Variants in MAPK10 observed in about 807,000 individuals in gnomAD.
MAPK10 encodes the protein JNK3 alpha protein kinase.
In MAPK10, 25 loss-of-function variants were observed where a neutral mutation model predicts 59.3. That is an observed-to-expected ratio of 0.42 (90% CI 0.31 to 0.59). The LOEUF (loss-of-function observed/expected upper bound fraction) is 0.59, where lower values mean the gene tolerates loss of function less well. Ranked by LOEUF, MAPK10 falls within the 20% of genes least tolerant of loss-of-function variation. The pLI, the probability that MAPK10 is intolerant of heterozygous loss-of-function variation, is 0.15. For missense variants in MAPK10, 351 were observed against 568.9 expected (o/e 0.62, Z 3.90); for synonymous variants, 190 against 200.5 (o/e 0.95, Z 0.44).
intron 2 of MAPK10, among the ~76,000 whole-genome samples, chr4:86,261,549 T>C (rs2093980791): frequency 6.6e-6 from 1 of 152,244 alleles, no homozygotes; most frequent in Non-Finnish European, 1.5e-5. Flanking sequence ...TCTATTCCCT[T>C]GACAACCTGA....
intron 1 of MAPK10, among the ~76,000 whole-genome samples, chr4:86,366,679 C>T (rs1210410868): frequency 6.6e-6 from 1 of 152,030 alleles, no homozygotes; most frequent in African/African-American, 2.4e-5. Flanking sequence ...TTCAGAAAAG[C>T]GTGGCAGTAA....
intron 2 of MAPK10, among the ~76,000 whole-genome samples, chr4:86,228,284 T>C (rs751265390): frequency 1.3e-5 from 2 of 152,150 alleles, no homozygotes; most frequent in Non-Finnish European, 2.9e-5. Flanking sequence ...AAAAGTGTAC[T>C]TGCAGGAGGG....
chr4:86,507,205 G>A (rs1755805395), intron 1 of MAPK10, among the ~76,000 whole-genome samples: 2 of 152,014 alleles, frequency 1.3e-5, no homozygotes, highest in South Asian at 2.1e-4. Flanking sequence ...TAAAGAATAA[G>A]AGGCAAGCCC....
At chr4:86,084,911 T>C (rs1212694815) in intron 9 of MAPK10, among the ~76,000 whole-genome samples, 1 of 152,108 alleles carries the variant, frequency 6.6e-6, no homozygotes, top group Non-Finnish European at 1.5e-5. Flanking sequence ...CATAGATCAA[T>C]AGAACAGAAG....
At chr4:86,383,140 G>C (rs1417274839) in intron 1 of MAPK10, among the ~76,000 whole-genome samples, 1 of 152,104 alleles carries the variant, frequency 6.6e-6, no homozygotes, top group African/African-American at 2.4e-5. Flanking sequence ...CAAACATTAG[G>C]CTTCCTTCCC....
At chr4:86,023,018 T>C (rs1748132960) in intron 13 of MAPK10, among the ~76,000 whole-genome samples, 1 of 152,220 alleles carries the variant, frequency 6.6e-6, no homozygotes, top group Non-Finnish European at 1.5e-5. Context: ...CATTTTCTAA[T>C]CCAAGATTAT....
intron 1 of MAPK10, among the ~76,000 whole-genome samples, chr4:86,434,681 G>A (rs1748474952): frequency 6.6e-6 from 1 of 152,166 alleles, no homozygotes; most frequent in Non-Finnish European, 1.5e-5. Flanking sequence ...GGGAAACCTC[G>A]TACGCTGTTG....
chr4:86,116,875 G>C (rs2058368935), intron 4 of MAPK10, among the ~76,000 whole-genome samples: 2 of 152,176 alleles, frequency 1.3e-5, no homozygotes, highest in African/African-American at 4.8e-5. Context: ...GTAAATGATG[G>C]CTATTACTAT....
At chr4:86,420,294 A>G (rs898299955) in intron 1 of MAPK10, among the ~76,000 whole-genome samples, 4 of 152,178 alleles carry the variant, frequency 2.6e-5, no homozygotes, top group African/African-American at 9.7e-5. Context: ...TGCTTACCAC[A>G]TTATATCTTA....
At chr4:86,521,986 C>T (rs1460457110) in intron 1 of MAPK10, among the ~76,000 whole-genome samples, 1 of 151,688 alleles carries the variant, frequency 6.6e-6, no homozygotes, top group African/African-American at 2.4e-5. Flanking sequence ...GGAATGGCTT[C>T]CCTGGGTTGA....
chr4:86,422,583 A>G (rs765328832), intron 1 of MAPK10, among the ~76,000 whole-genome samples: 1 of 152,162 alleles, frequency 6.6e-6, no homozygotes, highest in South Asian at 2.1e-4. Context: ...TTTGTGAATA[A>G]CCCACAATTT....
intron 2 of MAPK10, among the ~76,000 whole-genome samples, chr4:86,312,616 G>A (rs2095692491): frequency 6.6e-6 from 1 of 152,020 alleles, no homozygotes; most frequent in Admixed American, 6.6e-5. Context: ...TGATTTAGAT[G>A]AAACAATGTA....
At chr4:86,502,607 T>C (rs1257132555) in intron 1 of MAPK10, among the ~76,000 whole-genome samples, 1 of 152,090 alleles carries the variant, frequency 6.6e-6, no homozygotes, top group Non-Finnish European at 1.5e-5. Context: ...CAAAAAGTTT[T>C]TGAGGCATAT....
At chr4:86,102,083 T>G (rs1194550565) in intron 6 of MAPK10, 51 bp from the exon 7 acceptor site, 1 of 1,547,390 alleles carries the variant, frequency 6.5e-7, no homozygotes, top group African/African-American at 1.4e-5. Context: ...ATCTATGAAG[T>G]CCTTTGATTT....
At position 86,058,496 on chromosome 4, in the gene MAPK10, CCCA is replaced by C. The variant is rs1379973100; in HGVS notation, c.1110+5767_1110+5769del. Among the ~76,000 whole-genome samples, 2 of 149,130 alleles carry C rather than the reference CCCA, an allele frequency of 1.3e-5. 1 individual carries two copies. Among genetic ancestry groups the C allele is most frequent in the Non-Finnish European group, 3.0e-5 (2 of 67,342 alleles). On this transcript the variant is annotated intron_variant, in intron 11 of 13. Transcript: ENST00000641462. ...GAGGGGAGAATCTAGGCCATTTCTC[CCCA>C]CCCTTTTCTCTAGAAGCAGCTGTAT...
At chr4:86,471,298 A>T (rs893970801) in intron 1 of MAPK10, among the ~76,000 whole-genome samples, 1 of 150,676 alleles carries the variant, frequency 6.6e-6, no homozygotes, top group Non-Finnish European at 1.5e-5. Context: ...AAAAAAAAGA[A>T]TTAAACTAGT....
intron 2 of MAPK10, among the ~76,000 whole-genome samples, chr4:86,335,576 C>T (rs149211154): frequency 1.4e-3 from 220 of 152,202 alleles, no homozygotes; most frequent in Non-Finnish European, 2.6e-3. Flanking sequence ...CCCTCTTTCT[C>T]CCCATGCCCT....
In MAPK10 at chr4:86,527,312, C is replaced by CAAAAAAAAAAAAAAAAAAAAAA. The variant is rs57390422; in HGVS notation, c.-263+66576_-263+66597dup. 2.5e-4 allele frequency among the ~76,000 whole-genome samples: 4 copies of CAAAAAAAAAAAAAAAAAAAAAA among 16,196 alleles called. 1 individual carries two copies. The highest frequency in any genetic ancestry group is 5.6e-4 in the Non-Finnish European group (4 of 7,144). 10.6% of individuals were successfully genotyped at this position (16,196 alleles called of 152,430 possible). On this transcript the variant is annotated intron_variant, in intron 1 of 4. Transcript: ENST00000502302. Reference sequence around the variant, plus strand: ...GAGCAACAGAGTGAGACACTGTTGCCAAAAAAAAAAAAAAAAAAAAAAAAA... The same window carrying CAAAAAAAAAAAAAAAAAAAAAA: ...GAGCAACAGAGTGAGACACTGTTGCCAAAAAAAAAAAAAAAAAAAAAAAAAAAAAAAAAAAAAAAAAAAAAAA...
intron 9 of MAPK10, chr4:86,081,664 T>C (rs1183302442): frequency 6.6e-6 from 1 of 152,002 alleles, no homozygotes; most frequent in African/African-American, 2.4e-5. Flanking sequence ...GTATTTTATA[T>C]CCAAGGGATT....
Sources: allele counts gnomAD v4.1 joint callset (sites outside exome capture counted in the v4.1 genomes callset), GRCh38; gene constraint gnomAD v4.1.1; transcripts MANE v1.5; gene names NCBI Gene and HGNC (gene_info 2026-07-23, HGNC 2026-07-21).